ASIC2: variants seen among roughly 807,000 people sequenced by gnomAD.
ASIC2 encodes acid-sensing ion channel 2.
A neutral mutation model predicts 57.3 loss-of-function variants in ASIC2; 25 were observed. That is an observed-to-expected ratio of 0.44 (90% CI 0.32 to 0.61). ASIC2 has a LOEUF of 0.61. Among genes scored for constraint, ASIC2 ranks in the 20% least tolerant of loss-of-function variants. ASIC2 has a pLI of 0.06. For missense variants in ASIC2, 641 were observed against 738.1 expected, an observed-to-expected ratio of 0.87 and a Z score of 1.52; for synonymous variants, 319 against 307.5, an observed-to-expected ratio of 1.04 and a Z score of -0.39.
At chr17:34,135,382 A>G (rs1912098012) in intron 1 of ASIC2, among the ~76,000 whole-genome samples, 1 of 152,234 alleles carries the variant, frequency 6.6e-6, no homozygotes, top group African/African-American at 2.4e-5. Flanking sequence ...GGAGAAGATC[A>G]GTCAGCAAAC....
intron 3 of ASIC2, among the ~76,000 whole-genome samples, chr17:33,063,019 A>G (rs2092027234): frequency 6.6e-6 from 1 of 152,104 alleles, no homozygotes; most frequent in Non-Finnish European, 1.5e-5. Flanking sequence ...TGCTTGGCAG[A>G]TCTTTCTCCA....
At chr17:33,895,468 T>A (rs1915073651) in intron 1 of ASIC2, among the ~76,000 whole-genome samples, 1 of 152,186 alleles carries the variant, frequency 6.6e-6, no homozygotes, top group South Asian at 2.1e-4. Flanking sequence ...TGTCATGTGT[T>A]TAGCACCTTG....
chr17:33,487,308 T>C (rs1017397006), intron 1 of ASIC2, among the ~76,000 whole-genome samples: 1 of 152,150 alleles, frequency 6.6e-6, no homozygotes, highest in Non-Finnish European at 1.5e-5. Context: ...GCAAGGTGAC[T>C]AGGAAAGCCA....
Position 33,427,899 on chromosome 17 carries a change from G to A in ASIC2, c.556-315832C>T, listed in dbSNP as rs116344199. Among the ~76,000 whole-genome samples, 673 of 152,306 alleles carry A rather than the reference G, an allele frequency of 4.4e-3. 2 individuals are homozygous for A. Among genetic ancestry groups the A allele is most frequent in the African/African-American group, 0.015 (635 of 41,566 alleles). On this transcript the variant is annotated intron_variant, in intron 1 of 9. Coordinates refer to the ASIC2 transcript ENST00000359872. ...TCAAGGCTGGGCCATAAAACACACC[G>A]TGGCTCTGTCTTTCTGTCTCTTTCT...
intron 1 of ASIC2, among the ~76,000 whole-genome samples, chr17:33,510,658 T>A (rs912960618): frequency 6.6e-5 from 10 of 152,164 alleles, no homozygotes; most frequent in South Asian, 2.1e-4. Context: ...TTAAATTTTT[T>A]AAAAAAAAGA....
intron 1 of ASIC2, among the ~76,000 whole-genome samples, chr17:33,324,550 A>G (rs1277272466): frequency 2.0e-5 from 3 of 152,098 alleles, no homozygotes; most frequent in African/African-American, 7.2e-5. Context: ...GGGATTCCCT[A>G]ACCTACCTAG....
intron 1 of ASIC2, among the ~76,000 whole-genome samples, chr17:33,139,009 C>G (rs1004961262): frequency 2.0e-5 from 3 of 152,102 alleles, no homozygotes. Flanking sequence ...AGGTGGGGCA[C>G]TTCTCATGTC....
chr17:33,099,236 C>T (rs564976347), intron 2 of ASIC2, among the ~76,000 whole-genome samples: 1 of 152,042 alleles, frequency 6.6e-6, no homozygotes, highest in African/African-American at 2.4e-5. Flanking sequence ...AGGCTGGTCT[C>T]GAACTCCTGA....
intron 1 of ASIC2, among the ~76,000 whole-genome samples, chr17:33,282,851 G>A (rs1274340977): frequency 1.3e-5 from 2 of 152,202 alleles, no homozygotes; most frequent in Non-Finnish European, 2.9e-5. Flanking sequence ...TCACTTTTAA[G>A]GACCCATGAT....
intron 1 of ASIC2, among the ~76,000 whole-genome samples, chr17:33,330,681 G>T (rs1009662989): frequency 6.6e-6 from 1 of 152,022 alleles, no homozygotes; most frequent in Non-Finnish European, 1.5e-5. Context: ...GGCCTCTCCT[G>T]CATTGTGCTC....
At chr17:33,739,437 C>G (rs1429176485) in intron 1 of ASIC2, among the ~76,000 whole-genome samples, 1 of 152,214 alleles carries the variant, frequency 6.6e-6, no homozygotes, top group Non-Finnish European at 1.5e-5. Flanking sequence ...AAATTTGTAG[C>G]AGGCCCTTGA....
intron 1 of ASIC2, among the ~76,000 whole-genome samples, chr17:33,829,281 A>G (rs8072690): frequency 0.81 from 123,557 of 152,184 alleles, 50,520 homozygotes; most frequent in African/African-American, 0.85. Context: ...ACATAGAAAC[A>G]GAGTGCATTG....
At chr17:33,191,681 C>T (rs536988008) in intron 1 of ASIC2, among the ~76,000 whole-genome samples, 103 of 152,092 alleles carry the variant, frequency 6.8e-4, no homozygotes, top group Middle Eastern at 3.4e-3. Context: ...CCCTCTACAC[C>T]CTGTTATTCA....
chr17:33,381,339 T>TG (rs918327623), intron 1 of ASIC2, among the ~76,000 whole-genome samples: 2 of 152,152 alleles, frequency 1.3e-5, no homozygotes, highest in African/African-American at 4.8e-5. Flanking sequence ...ACCAAGAGCA[T>TG]GGGGGGAGGA....
intron 1 of ASIC2, among the ~76,000 whole-genome samples, chr17:34,064,298 T>C (rs1253353252): frequency 6.6e-6 from 1 of 152,076 alleles, no homozygotes; most frequent in Non-Finnish European, 1.5e-5. Flanking sequence ...TTTCAACAAA[T>C]GGTGCTGGGA....
intron 1 of ASIC2, among the ~76,000 whole-genome samples, chr17:33,195,002 A>T (rs1179077843): frequency 3.3e-5 from 5 of 152,222 alleles, no homozygotes; most frequent in Admixed American, 6.5e-5. Flanking sequence ...GCTCAGCAGG[A>T]TGTGTGAAGA....
intron 1 of ASIC2, among the ~76,000 whole-genome samples, chr17:33,646,310 T>C (rs1236582294): frequency 1.3e-5 from 2 of 152,160 alleles, no homozygotes; most frequent in African/African-American, 4.8e-5. Flanking sequence ...AAGACTTGGA[T>C]AAGGAAAAGA....
intron 1 of ASIC2, among the ~76,000 whole-genome samples, chr17:33,510,833 C>T (rs1054802859): frequency 4.6e-5 from 7 of 151,976 alleles, no homozygotes; most frequent in African/African-American, 7.3e-5. Flanking sequence ...AACCCCTGCA[C>T]GAGGCCTTGT....
intron 1 of ASIC2, chr17:34,038,410 A>G (rs182039458): frequency 4.2e-5 from 67 of 1,612,140 alleles, no homozygotes; most frequent in Middle Eastern, 2.1e-4. Flanking sequence ...CCCTACATGC[A>G]TGCTTGTGGT....
Sources: gnomAD v4.1 joint callset for allele counts (sites outside exome capture counted in the v4.1 genomes callset) on GRCh38, gnomAD v4.1.1 for gene constraint, MANE v1.5 for transcripts, NCBI Gene and HGNC (gene_info 2026-07-23, HGNC 2026-07-21) for gene names.